LYPD6B: variants seen among roughly 807,000 people sequenced by gnomAD.
LYPD6B encodes ly6/PLAUR domain-containing protein 6B.
A neutral mutation model predicts 22.8 loss-of-function variants in LYPD6B; 17 were observed. The observed-to-expected ratio is 0.75, with a 90% CI of 0.51 to 1.12. The LOEUF is 1.12. LYPD6B is among the 50% of genes most tolerant of loss of function. The pLI, the probability that LYPD6B is intolerant of heterozygous loss-of-function variation, is 0.00. For missense variants in LYPD6B, 221 were observed against 258.3 expected (o/e 0.86, Z 0.99); for synonymous variants, 106 against 91.6 (o/e 1.16, Z -0.90).
chr2:149,062,562 A>G (rs754970534), intron 1 of LYPD6B, among the ~76,000 whole-genome samples: 2 of 152,248 alleles, frequency 1.3e-5, no homozygotes, highest in Non-Finnish European at 2.9e-5. Flanking sequence ...AGCTTACGTT[A>G]TAAAATCAAG....
At chr2:149,178,866 T>C (rs1233408358) in intron 3 of LYPD6B, among the ~76,000 whole-genome samples, 3 of 152,228 alleles carry the variant, frequency 2.0e-5, no homozygotes, top group South Asian at 4.1e-4. Flanking sequence ...CCCGATGGAA[T>C]GAGAGGCGGC....
At chr2:149,166,127 C>T (rs1047232093) in intron 3 of LYPD6B, among the ~76,000 whole-genome samples, 10 of 152,090 alleles carry the variant, frequency 6.6e-5, no homozygotes, top group African/African-American at 2.4e-4. Flanking sequence ...TTCAGGTAGC[C>T]TCTTATTTTT....
chr2:149,056,962 A>G (rs962470023), intron 1 of LYPD6B, among the ~76,000 whole-genome samples: 8 of 152,218 alleles, frequency 5.3e-5, no homozygotes, highest in Admixed American at 2.0e-4. Context: ...TGTAAAGAGC[A>G]TACCCCATCT....
chr2:149,174,884 A>G (rs1276956924), intron 3 of LYPD6B, among the ~76,000 whole-genome samples: 1 of 152,110 alleles, frequency 6.6e-6, no homozygotes, highest in Non-Finnish European at 1.5e-5. Context: ...ACCATGGCAC[A>G]CGTTTACCTG....
intron 3 of LYPD6B, among the ~76,000 whole-genome samples, chr2:149,191,412 C>A (rs1195426411): frequency 6.6e-6 from 1 of 151,878 alleles, no homozygotes; most frequent in Non-Finnish European, 1.5e-5. Flanking sequence ...TTTTTCCTGG[C>A]CACTCACTTG....
intron 3 of LYPD6B, among the ~76,000 whole-genome samples, chr2:149,168,864 C>T (rs991279829): frequency 6.6e-6 from 1 of 152,076 alleles, no homozygotes; most frequent in Non-Finnish European, 1.5e-5. Flanking sequence ...TACTTTGGGG[C>T]CTTAGCAGTA....
At chr2:149,040,545 A>C (rs1421020757) in intron 1 of LYPD6B, among the ~76,000 whole-genome samples, 1 of 152,098 alleles carries the variant, frequency 6.6e-6, no homozygotes, top group Non-Finnish European at 1.5e-5. Context: ...AATCTTATTG[A>C]CATACTGGAC....
rs893082731 is a variant in LYPD6B at position 149,208,232 on chromosome 2, G to T, written c.230-82G>T. ...TATAAGTTTTGTTTCATCTGTTAAA[G>T]TTGCTCATTTTGTACCATGTTTGAT... On this transcript the variant is annotated intron_variant, in intron 4 of 6. Coordinates refer to ENST00000409642, the MANE Select transcript of LYPD6B (RefSeq NM_177964.5). 155 of 890,428 alleles carry T rather than the reference G, an allele frequency of 1.7e-4. 1 individual carries two copies. The highest frequency in any genetic ancestry group is 1.4e-3 in the South Asian group (103 of 71,246). 55.2% of individuals were successfully genotyped at this position (890,428 alleles called of 1,614,324 possible). A position where few individuals can be genotyped will look rare whatever the true frequency, so the allele number is the denominator to read the frequency against.
At chr2:149,164,685 T>A (rs560376526) in intron 3 of LYPD6B, among the ~76,000 whole-genome samples, 6 of 152,334 alleles carry the variant, frequency 3.9e-5, no homozygotes. Context: ...CTTGCCTCCA[T>A]CTTCCCAAAT....
intron 3 of LYPD6B, among the ~76,000 whole-genome samples, chr2:149,164,019 T>C (rs763163535): frequency 6.6e-6 from 1 of 152,064 alleles, no homozygotes; most frequent in Non-Finnish European, 1.5e-5. Flanking sequence ...AGTAAATGAT[T>C]TTTTGGGAAG....
intron 3 of LYPD6B, among the ~76,000 whole-genome samples, chr2:149,165,041 G>T (rs1690331587): frequency 6.6e-6 from 1 of 152,062 alleles, no homozygotes; most frequent in Non-Finnish European, 1.5e-5. Flanking sequence ...GTTTCACCTG[G>T]GGTCACTCAT....
chr2:149,087,166 A>T (rs1196919321), intron 1 of LYPD6B, among the ~76,000 whole-genome samples: 1 of 152,198 alleles, frequency 6.6e-6, no homozygotes, highest in African/African-American at 2.4e-5. Context: ...AAAAATCATG[A>T]ATACACTTGT....
In LYPD6B at chr2:149,090,482, A is replaced by G. The variant is rs567540976; in HGVS notation, c.-66-40401A>G. On this transcript the variant is annotated intron_variant, in intron 1 of 6. Transcript: ENST00000409642. ...TTTGGGCTCAGGAGAGAGAGGTCAG[A>G]GGTATTCATAGAATGTTAGGGAATG... Among the ~76,000 whole-genome samples, 3 of 152,332 alleles carry G rather than the reference A, an allele frequency of 2.0e-5. No individual in the cohort carries two copies. In the South Asian group the frequency reaches 6.2e-4, roughly 32 times the overall value.
chr2:149,196,094 A>T (rs10490385), intron 3 of LYPD6B, among the ~76,000 whole-genome samples: 78,903 of 152,064 alleles, frequency 0.52, 20,877 homozygotes, highest in Non-Finnish European at 0.56. Context: ...TTTAACATAC[A>T]TAATTTTTCA....
chr2:149,214,452 T>C (rs1239325903), intron 6 of LYPD6B, 94 bp from the exon 7 acceptor site: 76 of 1,328,994 alleles, frequency 5.7e-5, no homozygotes, highest in Non-Finnish European at 7.9e-5. Flanking sequence ...TGTCTTCAGA[T>C]AGAGCTCAAG....
intron 2 of LYPD6B, among the ~76,000 whole-genome samples, chr2:149,156,524 A>C (rs1277284684): frequency 6.6e-6 from 1 of 152,174 alleles, no homozygotes; most frequent in Non-Finnish European, 1.5e-5. Flanking sequence ...GTTCAAAATC[A>C]AGGTGTCAGC....
At chr2:149,085,636 G>C (rs1232194564) in intron 1 of LYPD6B, among the ~76,000 whole-genome samples, 2 of 152,238 alleles carry the variant, frequency 1.3e-5, no homozygotes, top group Non-Finnish European at 2.9e-5. Flanking sequence ...GCAATGGGCT[G>C]TGGATGTGGA....
At chr2:149,185,089 G>A (rs1166769235) in intron 3 of LYPD6B, among the ~76,000 whole-genome samples, 1 of 152,216 alleles carries the variant, frequency 6.6e-6, no homozygotes, top group Non-Finnish European at 1.5e-5. Flanking sequence ...TGTGGTAAGA[G>A]AGGGAGACCG....
chr2:149,087,881 G>A (rs753540376), intron 1 of LYPD6B, among the ~76,000 whole-genome samples: 1 of 152,114 alleles, frequency 6.6e-6, no homozygotes, highest in Non-Finnish European at 1.5e-5. Flanking sequence ...GGAGTTTTTA[G>A]GCAAATGAAA....
Sources: gnomAD v4.1 joint callset for allele counts (sites outside exome capture counted in the v4.1 genomes callset) on GRCh38, gnomAD v4.1.1 for gene constraint, MANE v1.5 for transcripts, NCBI Gene and HGNC (gene_info 2026-07-23, HGNC 2026-07-21) for gene names.